Variants in NT5C3A observed in about 807,000 individuals in gnomAD.
NT5C3A encodes cytosolic 5'-nucleotidase 3A.
NT5C3A carries 23 observed loss-of-function variants against 40.0 expected under a neutral mutation model. The ratio of observed to expected loss-of-function variants is 0.58; its 90% CI spans 0.41 to 0.81. The LOEUF (loss-of-function observed/expected upper bound fraction) is 0.81. Ranked by LOEUF, NT5C3A falls within the 40% of genes least tolerant of loss-of-function variation. The probability of loss-of-function intolerance (pLI) is 0.00; values close to 1 mark genes in which losing one functional copy is unlikely to be tolerated. For missense variants in NT5C3A, 328 were observed against 403.0 expected (o/e 0.81, Z 1.59); for synonymous variants, 130 against 141.4 (o/e 0.92, Z 0.57).
At chr7:33,046,203 G>A (rs1787141863) in intron 1 of NT5C3A, 2 of 152,160 alleles carry the variant, frequency 1.3e-5, no homozygotes, top group Non-Finnish European at 2.9e-5. Context: ...GCAAACTGAT[G>A]AGAACCTATG....
Position 33,014,901 on chromosome 7 carries a change from C to T in NT5C3A, c.895-70G>A, listed in dbSNP as rs1337291547. ...AAACAAATAATTTCAGTATGAATCT[C>T]GTTGTTAGATCTCTTGGGCAAAATG... On this transcript the variant is annotated intron_variant, in intron 8 of 8. Transcript: ENST00000610140. 4 of 1,313,560 alleles carry T rather than the reference C, an allele frequency of 3.0e-6. No individual in the cohort carries two copies. In the African/African-American group the frequency reaches 5.8e-5, roughly 19 times the overall value. 81.4% of individuals were successfully genotyped at this position (1,313,560 alleles called of 1,614,324 possible). A position where few individuals can be genotyped will look rare whatever the true frequency, so the allele number is the denominator to read the frequency against.
intron 5 of NT5C3A, among the ~76,000 whole-genome samples, chr7:33,020,427 C>T (rs774712815): frequency 6.6e-6 from 1 of 152,192 alleles, no homozygotes; most frequent in Non-Finnish European, 1.5e-5. Flanking sequence ...AAGCTTATTC[C>T]ATTGCCAGAA....
chr7:33,048,176 T>TTG (rs10582278), intron 1 of NT5C3A, among the ~76,000 whole-genome samples: 4,766 of 148,588 alleles, frequency 0.032, 85 homozygotes, highest in African/African-American at 0.04. Flanking sequence ...TACATTTGAT[T>TTG]TGTGTGTGTG....
chr7:33,059,126 G>A (rs561388470), intron 1 of NT5C3A, among the ~76,000 whole-genome samples: 57 of 152,286 alleles, frequency 3.7e-4, no homozygotes, highest in African/African-American at 1.3e-3. Context: ...AACTATGGAT[G>A]AGAAATAATA....
In NT5C3A at chr7:33,019,718, A is replaced by G. The variant is rs1785523225; in HGVS notation, c.447T>C (p.Thr149=). 6.3e-7 allele frequency: 1 copy of G among 1,584,496 alleles called. No individual in the cohort carries two copies. Among genetic ancestry groups the G allele is most frequent in the Non-Finnish European group, 8.7e-7 (1 of 1,155,326 alleles). Residue 149 remains threonine (T), a synonymous_variant, in exon 6 of 9, where the codon ACT becomes ACC. Transcript: ENST00000610140. ...EKYPYMVEWY[T]KSHGLLVQQA... The stretch of plus-strand genomic sequence containing the variant: ...GCTGAACAAGCAAACCATGTGATTT[A>G]GTATACCTGGAGTTTATGACCAAAG...
At chr7:33,062,530 C>T (rs746941794) in intron 1 of NT5C3A, 38 bp downstream of exon 1, 18 of 1,584,250 alleles carry the variant, frequency 1.1e-5, no homozygotes, top group Non-Finnish European at 1.6e-5. Context: ...CCAGCCGGCC[C>T]CTCGCGTGCT....
intron 1 of NT5C3A, chr7:33,040,806 G>C (rs910209980): frequency 1.2e-6 from 1 of 807,712 alleles, no homozygotes; most frequent in African/African-American, 1.9e-5. Flanking sequence ...GTAAGTTATA[G>C]AATCAAATAA....
intron 1 of NT5C3A, chr7:33,041,106 A>G (rs1786891833): frequency 1.9e-5 from 19 of 984,660 alleles, no homozygotes; most frequent in Non-Finnish European, 2.2e-5. Flanking sequence ...AAGTTATGTG[A>G]CGATTAAAGA....
chr7:33,061,478 T>C (rs886153858), intron 1 of NT5C3A, among the ~76,000 whole-genome samples: 40 of 152,234 alleles, frequency 2.6e-4, no homozygotes, highest in African/African-American at 9.6e-4. Flanking sequence ...AACCTTGAAC[T>C]CCCAGACTCC....
At chr7:33,040,565 T>G (rs189894580) in intron 1 of NT5C3A, among the ~76,000 whole-genome samples, 23 of 152,238 alleles carry the variant, frequency 1.5e-4, no homozygotes, top group South Asian at 1.5e-3. Context: ...AATCTTAGAG[T>G]GTTTCCCCTC....
chr7:33,057,032 C>T (rs28623683), intron 1 of NT5C3A, among the ~76,000 whole-genome samples: 41,660 of 151,798 alleles, frequency 0.27, 6,119 homozygotes, highest in Admixed American at 0.4. Context: ...AGGCTGGTCT[C>T]GAACTCCCAA....
At chr7:33,014,113 T>C (rs904384002), downstream of NT5C3A, 1 of 412,448 alleles carries the variant, frequency 2.4e-6, no homozygotes, top group African/African-American at 2.1e-5. Context: ...TCAGTAAAGA[T>C]AGTTTTGACC....
chr7:33,038,953 T>G (rs1215986989), intron 1 of NT5C3A: 1 of 453,024 alleles, frequency 2.2e-6, no homozygotes, highest in African/African-American at 2.0e-5. Flanking sequence ...AGTTTTAACA[T>G]TTTAAGTCTT....
At chr7:33,061,100 A>G (rs1252545485) in intron 1 of NT5C3A, among the ~76,000 whole-genome samples, 1 of 152,220 alleles carries the variant, frequency 6.6e-6, no homozygotes, top group Non-Finnish European at 1.5e-5. Context: ...CTTGGCTTAG[A>G]TAAGTGGTAT....
At chr7:33,037,891 T>A (rs1225228457) in intron 1 of NT5C3A, among the ~76,000 whole-genome samples, 2 of 152,154 alleles carry the variant, frequency 1.3e-5, no homozygotes, top group East Asian at 3.8e-4. Flanking sequence ...AATATAATGG[T>A]AGTTTGGGGA....
At chr7:33,031,057 G>A (rs1463498540) in intron 1 of NT5C3A, among the ~76,000 whole-genome samples, 3 of 145,618 alleles carry the variant, frequency 2.1e-5, no homozygotes, top group South Asian at 4.3e-4. Flanking sequence ...CCGAGATCGC[G>A]CCACTGCACT....
At position 33,031,085 on chromosome 7, in the gene NT5C3A, G is replaced by A. The variant is rs533352461; in HGVS notation, c.139-4170C>T. On this transcript the variant is annotated intron_variant, in intron 1 of 8. Coordinates refer to ENST00000610140, the MANE Select transcript of NT5C3A (RefSeq NM_001002010.5). ...ACTGCACTCCAGCCTGGGCGACAGC[G>A]AGACTCTGCCTCAAAAAAAAACAAA... 5.7e-4 allele frequency among the ~76,000 whole-genome samples: 79 copies of A among 137,448 alleles called. 1 individual carries two copies. Among genetic ancestry groups the A allele is most frequent in the South Asian group, 4.7e-3 (20 of 4,266 alleles). 90.2% of individuals were successfully genotyped at this position (137,448 alleles called of 152,430 possible).
intron 1 of NT5C3A, among the ~76,000 whole-genome samples, chr7:33,043,053 T>C (rs1476627593): frequency 6.6e-6 from 1 of 152,192 alleles, no homozygotes; most frequent in African/African-American, 2.4e-5. Flanking sequence ...TAAACAACCC[T>C]AGAAGGTATG....
At chr7:33,024,138 T>A in intron 2 of NT5C3A, 30 bp from the exon 3 acceptor site, 1 of 1,328,434 alleles carries the variant, frequency 7.5e-7, no homozygotes, top group Non-Finnish European at 1.1e-6. Context: ...TGCATTATTG[T>A]AAACATAGCC....
Sources: allele counts gnomAD v4.1 joint callset (sites outside exome capture counted in the v4.1 genomes callset), GRCh38; gene constraint gnomAD v4.1.1; transcripts MANE v1.5; gene names NCBI Gene and HGNC (gene_info 2026-07-23, HGNC 2026-07-21).